Variants in LAMA4 observed in about 807,000 individuals in gnomAD.
LAMA4 encodes laminin subunit alpha-4.
A neutral mutation model predicts 207.1 loss-of-function variants in LAMA4; 127 were observed. The ratio of observed to expected loss-of-function variants is 0.61; its 90% CI spans 0.53 to 0.71. LAMA4 has a LOEUF of 0.71. Ranked by LOEUF, LAMA4 falls within the 30% of genes least tolerant of loss-of-function variation. The pLI, the probability that LAMA4 is intolerant of heterozygous loss-of-function variation, is 0.00. For missense variants in LAMA4, 2,093 were observed against 2,246.5 expected, an observed-to-expected ratio of 0.93 and a Z score of 1.38; for synonymous variants, 761 against 816.0, an observed-to-expected ratio of 0.93 and a Z score of 1.15.
chr6:112,113,824 G>A (rs1055530499), intron 38 of LAMA4, among the ~76,000 whole-genome samples: 3 of 152,094 alleles, frequency 2.0e-5, no homozygotes, highest in East Asian at 1.9e-4. Context: ...TGTGTGTGGC[G>A]GGCACTTAAA....
chr6:112,177,551 C>T (rs1231709652), intron 10 of LAMA4, among the ~76,000 whole-genome samples: 1 of 152,164 alleles, frequency 6.6e-6, no homozygotes, highest in Non-Finnish European at 1.5e-5. Flanking sequence ...GCATGTATTG[C>T]AAGTGAGAGC....
chr6:112,116,114 A>G (rs1366878028), intron 35 of LAMA4, 121 bp from the exon 36 acceptor site: 16 of 1,009,644 alleles, frequency 1.6e-5, no homozygotes, highest in Non-Finnish European at 2.2e-5. Flanking sequence ...TTTTTAACAG[A>G]TAAGTAGAAA....
chr6:112,154,178 A>T (rs1554336330), intron 16 of LAMA4, among the ~76,000 whole-genome samples: 2 of 152,110 alleles, frequency 1.3e-5, no homozygotes, highest in Non-Finnish European at 2.9e-5. Context: ...GATTGTTTTT[A>T]AGAGTAACTC....
intron 5 of LAMA4, among the ~76,000 whole-genome samples, chr6:112,193,952 A>G (rs939732230): frequency 2.0e-4 from 31 of 152,252 alleles, no homozygotes; most frequent in Non-Finnish European, 2.2e-4. Flanking sequence ...ATTAACCATA[A>G]TGATACAGAA....
chr6:112,123,430 C>T (rs587612466), intron 31 of LAMA4, among the ~76,000 whole-genome samples: 1 of 152,288 alleles, frequency 6.6e-6, no homozygotes, highest in South Asian at 2.1e-4. Flanking sequence ...AAATCCACAG[C>T]AGTCCTGGAA....
At chr6:112,201,808 T>G (rs1783764350) in intron 4 of LAMA4, 120 bp from the exon 5 acceptor site, 1 of 863,076 alleles carries the variant, frequency 1.2e-6, no homozygotes. Flanking sequence ...GCAATCATTT[T>G]CTTTATTTAA....
chr6:112,133,291 C>G, intron 27 of LAMA4, 58 bp downstream of exon 27: 1 of 1,591,306 alleles, frequency 6.3e-7, no homozygotes, highest in Non-Finnish European at 8.6e-7. Flanking sequence ...ACTTTTCCAG[C>G]TTTTGAGAGT....
At chr6:112,179,387 G>A (rs1554344712) in intron 9 of LAMA4, 2 of 152,248 alleles carry the variant, frequency 1.3e-5, no homozygotes, top group African/African-American at 4.8e-5. Flanking sequence ...TTACTTTTGG[G>A]ATTTGAAGGA....
chr6:112,190,250 C>T (rs985440859), intron 6 of LAMA4, among the ~76,000 whole-genome samples: 4 of 152,140 alleles, frequency 2.6e-5, no homozygotes, highest in African/African-American at 9.7e-5. Flanking sequence ...TTTGATTTTG[C>T]CAACATTATT....
chr6:112,162,965 C>CTTTTTTTTTTTTTTTTTTTT (rs34824903), intron 13 of LAMA4, among the ~76,000 whole-genome samples: 4 of 91,248 alleles, frequency 4.4e-5, no homozygotes, highest in African/African-American at 1.8e-4. Flanking sequence ...CAGCTCAAAT[C>CTTTTTTTTTTTTTTTTTTTT]TTTTTTTTTT....
intron 10 of LAMA4, among the ~76,000 whole-genome samples, chr6:112,176,786 C>T (rs1358175060): frequency 2.6e-5 from 4 of 152,062 alleles, no homozygotes; most frequent in African/African-American, 9.7e-5. Context: ...GTATTTTTGC[C>T]TTTGGTTTTT....
chr6:112,133,213 GTTC>G, intron 27 of LAMA4, 133 bp downstream of exon 27: 1 of 965,382 alleles, frequency 1.0e-6, no homozygotes, highest in Non-Finnish European at 1.7e-6. Context: ...TAGCTTAATG[GTTC>G]TTCTTTCTGG....
chr6:112,111,043 T>TTAG (rs1777661579), intron 38 of LAMA4, among the ~76,000 whole-genome samples: 1 of 152,098 alleles, frequency 6.6e-6, no homozygotes, highest in Non-Finnish European at 1.5e-5. Context: ...TTTTATTTTA[T>TTAG]TATTATTATT....
intron 34 of LAMA4, 145 bp downstream of exon 34, chr6:112,119,011 G>T: frequency 1.3e-6 from 1 of 796,762 alleles, no homozygotes; most frequent in Non-Finnish European, 2.1e-6. Flanking sequence ...CCATAAGACA[G>T]TACTTACTTT....
chr6:112,224,958 A>AT (rs1308615427), intron 2 of LAMA4, among the ~76,000 whole-genome samples: 7 of 136,204 alleles, frequency 5.1e-5, no homozygotes, highest in African/African-American at 8.3e-5. Flanking sequence ...TTTTAATTTA[A>AT]TTTTTTTTTG....
At chr6:112,148,366 T>C in intron 17 of LAMA4, 30 bp from the exon 18 acceptor site, 1 of 1,612,804 alleles carries the variant, frequency 6.2e-7, no homozygotes, top group Non-Finnish European at 8.5e-7. Context: ...TCATTCACTT[T>C]GCAGAGAAGC....
At chr6:112,130,923 C>T in intron 29 of LAMA4, 45 bp downstream of exon 29, 2 of 1,599,674 alleles carry the variant, frequency 1.3e-6, no homozygotes, top group Non-Finnish European at 1.7e-6. Flanking sequence ...TAATCATGTC[C>T]CACAAATAGA....
intron 3 of LAMA4, 51 bp from the exon 4 acceptor site, chr6:112,207,196 A>G (rs1196778934): frequency 3.7e-6 from 6 of 1,604,308 alleles, no homozygotes; most frequent in African/African-American, 1.3e-5. Flanking sequence ...GAAATTTTAG[A>G]GACAGCACAT....
Position 112,120,275 on chromosome 6 carries a change from C to A in LAMA4, c.4665+8G>T, listed in dbSNP as rs184220860. ...TGCTGGTAATGCTGTTCTCTGCCTT[C>A]AACTTACATCATGCCACAGGCCATC... On this transcript the variant is annotated splice_region_variant and intron_variant, in intron 33 of 38. Coordinates refer to ENST00000230538, the MANE Select transcript of LAMA4 (RefSeq NM_001105206.3). The A allele has an allele frequency of 1.8e-4, 289 of 1,612,072 alleles. No homozygotes were observed. The African/African-American group carries it at 3.4e-3, about 19-fold the overall frequency.
Sources: allele counts gnomAD v4.1 joint callset (sites outside exome capture counted in the v4.1 genomes callset), GRCh38; gene constraint gnomAD v4.1.1; transcripts MANE v1.5; gene names NCBI Gene and HGNC (gene_info 2026-07-23, HGNC 2026-07-21).